Variants in LPO observed in about 807,000 individuals in gnomAD.
LPO encodes salivary peroxidase.
LPO carries 70 observed loss-of-function variants against 68.4 expected under a neutral mutation model. The observed-to-expected ratio is 1.02, with a 90% CI of 0.84 to 1.25. LPO has a LOEUF of 1.25. Ranked by LOEUF, LPO falls within the 50% of genes most tolerant of loss-of-function variation. The pLI is 0.00. For synonymous variants in LPO, 360 were observed against 357.6 expected, an observed-to-expected ratio of 1.01 and a Z score of -0.08; for missense variants, 873 against 908.4, an observed-to-expected ratio of 0.96 and a Z score of 0.50.
intron 8 of LPO, 111 bp downstream of exon 8, chr17:58,252,617 G>T (rs1284266821): frequency 3.8e-6 from 4 of 1,063,882 alleles, no homozygotes; most frequent in Non-Finnish European, 5.4e-6. Flanking sequence ...CTGAGCCATT[G>T]CTGTCCCTAG....
At chr17:58,244,179 C>A in intron 3 of LPO, 98 bp downstream of exon 3, 1 of 929,324 alleles carries the variant, frequency 1.1e-6, no homozygotes, top group South Asian at 1.4e-5. Flanking sequence ...CTAGGCCAGC[C>A]CGGATGAGCC....
At chr17:58,245,719 C>T (rs1349397761) in intron 3 of LPO, among the ~76,000 whole-genome samples, 1 of 152,182 alleles carries the variant, frequency 6.6e-6, no homozygotes, top group Non-Finnish European at 1.5e-5. Flanking sequence ...TAGAATTAAA[C>T]TAGCAAAGGA....
intron 8 of LPO, among the ~76,000 whole-genome samples, chr17:58,253,128 T>G (rs1237847089): frequency 6.6e-6 from 1 of 151,726 alleles, no homozygotes; most frequent in Non-Finnish European, 1.5e-5. Context: ...AACATTTTCA[T>G]GCTTATTTTC....
chr17:58,251,260 C>G (rs1202366146), intron 7 of LPO: 1 of 151,920 alleles, frequency 6.6e-6, no homozygotes, highest in Non-Finnish European at 1.5e-5. Flanking sequence ...GCCTGGGCAA[C>G]AGAGCAAGAT....
intron 7 of LPO, chr17:58,251,954 C>T: frequency 2.7e-6 from 2 of 742,536 alleles, no homozygotes; most frequent in East Asian, 2.5e-5. Context: ...ACTGTGAGGA[C>T]TGAATGATTA....
intron 3 of LPO, 137 bp downstream of exon 3, chr17:58,244,218 C>G: frequency 2.9e-6 from 2 of 684,914 alleles, no homozygotes; most frequent in Non-Finnish European, 5.2e-6. Context: ...AAAACTTACC[C>G]TTCCATCCTC....
At chr17:58,245,829 C>G (rs891527484) in intron 3 of LPO, among the ~76,000 whole-genome samples, 2 of 152,322 alleles carry the variant, frequency 1.3e-5, no homozygotes, top group East Asian at 1.9e-4. Flanking sequence ...TTTATAGCCT[C>G]AAGATGGGGG....
intron 2 of LPO, chr17:58,243,674 C>T (rs930113317): frequency 7.2e-6 from 3 of 416,934 alleles, no homozygotes; most frequent in African/African-American, 2.0e-5. Flanking sequence ...GACCATCTCA[C>T]CAGGAACCAG....
In LPO at chr17:58,266,339, A is replaced by T. The variant is rs1970265810; in HGVS notation, c.1693+13A>T. 4 of 1,613,534 alleles carry T rather than the reference A, an allele frequency of 2.5e-6. No individual in the cohort carries two copies. Among genetic ancestry groups the T allele is most frequent in the Non-Finnish European group, 3.4e-6 (4 of 1,179,880 alleles). ...CATGGGCAACCTGGTGAGTGTCTGA[A>T]GTCTGGCCTGCACTGGGGAAATTTT... On this transcript the variant is annotated intron_variant, in intron 11 of 12. Transcript: ENST00000262290.
intron 8 of LPO, 104 bp downstream of exon 8, chr17:58,252,610 A>G: frequency 2.6e-6 from 3 of 1,147,264 alleles, no homozygotes; most frequent in Non-Finnish European, 3.7e-6. Context: ...ATGCACACTG[A>G]GCCATTGCTG....
intron 1 of LPO, among the ~76,000 whole-genome samples, chr17:58,239,214 C>A (rs1350500537): frequency 6.6e-6 from 1 of 150,552 alleles, no homozygotes; most frequent in Non-Finnish European, 1.5e-5. Flanking sequence ...GCTGTCAGGT[C>A]TTCATCTCAT....
chr17:58,253,896 AG>A lies in LPO; in HGVS notation c.1106-913del, dbSNP rs562273778. 5.8e-3 allele frequency among the ~76,000 whole-genome samples: 876 copies of A among 152,268 alleles called. 15 individuals carry two copies. Among genetic ancestry groups the A allele is most frequent in the African/African-American group, 0.02 (836 of 41,540 alleles). ...GAGGCTTAGGTGGGAGGATTGCTTG[AG>A]GCCACAAGTTCGAGAACAGCCTGGG... is the stretch of plus-strand genomic sequence containing the variant. On this transcript the variant is annotated intron_variant, in intron 8 of 12. Transcript: ENST00000262290.
At chr17:58,260,382 C>T (rs997496616) in intron 9 of LPO, among the ~76,000 whole-genome samples, 5 of 152,146 alleles carry the variant, frequency 3.3e-5, no homozygotes, top group East Asian at 1.9e-4. Context: ...TGCCTTATTA[C>T]GTGGCAATTC....
At chr17:58,265,218 C>T (rs533449504) in intron 10 of LPO, among the ~76,000 whole-genome samples, 1 of 152,338 alleles carries the variant, frequency 6.6e-6, no homozygotes, top group South Asian at 2.1e-4. Flanking sequence ...TCCTGACACA[C>T]AGGAGGTGAT....
chr17:58,267,713 T>C, intron 12 of LPO, 74 bp from the exon 13 acceptor site: 1 of 1,507,412 alleles, frequency 6.6e-7, no homozygotes, highest in East Asian at 2.3e-5. Context: ...CCTGTGACCC[T>C]TTCCTTCCCC....
chr17:58,255,489 T>C (rs1213789766), intron 9 of LPO, among the ~76,000 whole-genome samples: 1 of 152,128 alleles, frequency 6.6e-6, no homozygotes, highest in Non-Finnish European at 1.5e-5. Flanking sequence ...TCTAATATAT[T>C]GCAATAGGAG....
chr17:58,258,275 G>C (rs771542234), intron 9 of LPO, among the ~76,000 whole-genome samples: 4 of 152,122 alleles, frequency 2.6e-5, no homozygotes, highest in Admixed American at 2.0e-4. Context: ...CACAGTTTGA[G>C]GTCTTAGATT....
At chr17:58,259,455 A>G (rs1414920710) in intron 9 of LPO, among the ~76,000 whole-genome samples, 1 of 152,166 alleles carries the variant, frequency 6.6e-6, no homozygotes, top group Non-Finnish European at 1.5e-5. Flanking sequence ...GTTTGTATGT[A>G]TGTCTATTCC....
chr17:58,241,080 T>A (rs559059463), intron 1 of LPO, among the ~76,000 whole-genome samples: 112 of 152,134 alleles, frequency 7.4e-4, no homozygotes, highest in African/African-American at 2.6e-3. Flanking sequence ...CTAAATTTTA[T>A]GCTATGTGGA....
Sources: allele counts gnomAD v4.1 joint callset (sites outside exome capture counted in the v4.1 genomes callset), GRCh38; gene constraint gnomAD v4.1.1; transcripts MANE v1.5; gene names NCBI Gene and HGNC (gene_info 2026-07-23, HGNC 2026-07-21).